Variants in TAS2R1 observed in about 807,000 individuals in gnomAD.
TAS2R1 encodes the protein taste 2 receptor member 1.
For synonymous variants in TAS2R1, 141 were observed against 134.2 expected (o/e 1.05, Z -0.35); for missense variants, 370 against 353.4 (o/e 1.05, Z -0.38).
intron 1 of TAS2R1, among the ~76,000 whole-genome samples, chr5:9,683,429 T>G (rs1356307731): frequency 6.6e-6 from 1 of 152,188 alleles, no homozygotes; most frequent in East Asian, 1.9e-4. Context: ...AAGTTTTGAT[T>G]GCTGATAGTA....
the TAS2R1 span, among the ~76,000 whole-genome samples, chr5:9,882,220 C>T: frequency 2.0e-5 from 3 of 152,046 alleles, no homozygotes; most frequent in African/African-American, 7.2e-5. Context: ...CAAAAGAAGA[C>T]ATTTATGTGG....
intron 1 of TAS2R1, among the ~76,000 whole-genome samples, chr5:9,690,704 A>T (rs1371946883): frequency 6.6e-6 from 1 of 151,902 alleles, no homozygotes; most frequent in Non-Finnish European, 1.5e-5. Flanking sequence ...GTAACTGGAC[A>T]CAGACATAAA....
At chr5:9,736,904 G>A in the TAS2R1 span, among the ~76,000 whole-genome samples, 1 of 152,268 alleles carries the variant, frequency 6.6e-6, no homozygotes, top group South Asian at 2.1e-4. Context: ...CCATGTGTAA[G>A]GTCATAGTTA....
intron 1 of TAS2R1, among the ~76,000 whole-genome samples, chr5:9,680,608 A>C (rs939112753): frequency 6.6e-6 from 1 of 152,162 alleles, no homozygotes; most frequent in Non-Finnish European, 1.5e-5. Flanking sequence ...TACTCTCATC[A>C]TGAAAAAAAT....
chr5:9,768,397 T>C, the TAS2R1 span, among the ~76,000 whole-genome samples: 3 of 152,168 alleles, frequency 2.0e-5, no homozygotes, highest in East Asian at 5.8e-4. Flanking sequence ...GTATCACCCA[T>C]TGACCTTCAT....
At chr5:9,648,130 C>T (rs1740231253) in intron 2 of TAS2R1, among the ~76,000 whole-genome samples, 1 of 152,008 alleles carries the variant, frequency 6.6e-6, no homozygotes, top group South Asian at 2.1e-4. Flanking sequence ...GTAAGTGTGG[C>T]CATGGCTACA....
intron 1 of TAS2R1, among the ~76,000 whole-genome samples, chr5:9,691,694 T>C (rs1235069048): frequency 1.3e-5 from 2 of 152,256 alleles, no homozygotes; most frequent in African/African-American, 4.8e-5. Flanking sequence ...AGGTGGGGCC[T>C]GTGTTCCAGT....
intron 1 of TAS2R1, among the ~76,000 whole-genome samples, chr5:9,703,453 G>A (rs1561383789): frequency 6.6e-6 from 1 of 152,182 alleles, no homozygotes; most frequent in Non-Finnish European, 1.5e-5. Context: ...CCTGTACTCT[G>A]TAGAGCGTCA....
the TAS2R1 span, among the ~76,000 whole-genome samples, chr5:9,808,778 A>C: frequency 6.6e-6 from 1 of 152,170 alleles, no homozygotes; most frequent in Non-Finnish European, 1.5e-5. Flanking sequence ...CCACAGGCTT[A>C]TGAGGTGGAC....
chr5:9,705,683 A>T (rs1741590793), intron 1 of TAS2R1, among the ~76,000 whole-genome samples: 1 of 152,146 alleles, frequency 6.6e-6, no homozygotes, highest in Non-Finnish European at 1.5e-5. Flanking sequence ...ATATGGTGAA[A>T]CACCATCTCT....
the TAS2R1 span, among the ~76,000 whole-genome samples, chr5:9,845,932 A>C: frequency 6.6e-6 from 1 of 152,252 alleles, no homozygotes; most frequent in Non-Finnish European, 1.5e-5. Flanking sequence ...AAAATAAGAG[A>C]GGCAATGTCA....
intron 1 of TAS2R1, among the ~76,000 whole-genome samples, chr5:9,668,889 T>A (rs1412354269): frequency 6.6e-6 from 1 of 151,936 alleles, no homozygotes; most frequent in Non-Finnish European, 1.5e-5. Flanking sequence ...AACAACATGA[T>A]GACAGGATCA....
the TAS2R1 span, among the ~76,000 whole-genome samples, chr5:9,865,651 G>T: frequency 2.6e-5 from 4 of 152,278 alleles, no homozygotes; most frequent in African/African-American, 9.6e-5. Flanking sequence ...TGCTTTTGAA[G>T]AATGTTTTGC....
At chr5:9,857,511 C>T in the TAS2R1 span, among the ~76,000 whole-genome samples, 2,434 of 152,246 alleles carry the variant, frequency 0.016, 58 homozygotes, top group African/African-American at 0.052. Flanking sequence ...GTGCAGCAAA[C>T]CACCATGGTT....
chr5:9,672,331 A>G (rs183531192), intron 1 of TAS2R1, among the ~76,000 whole-genome samples: 1 of 152,302 alleles, frequency 6.6e-6, no homozygotes, highest in African/African-American at 2.4e-5. Flanking sequence ...ACACACAATC[A>G]ACAGAGTAAA....
At chr5:9,816,599 A>T in the TAS2R1 span, among the ~76,000 whole-genome samples, 3 of 152,094 alleles carry the variant, frequency 2.0e-5, no homozygotes, top group African/African-American at 7.2e-5. Flanking sequence ...GCTTATCACA[A>T]ATAGTCAGAA....
intron 2 of TAS2R1, among the ~76,000 whole-genome samples, chr5:9,648,776 T>A (rs1188312981): frequency 6.6e-6 from 1 of 152,120 alleles, no homozygotes; most frequent in African/African-American, 2.4e-5. Flanking sequence ...AGTGACCTTT[T>A]GGATACATAT....
At chr5:9,840,849 ATTTATTTATTTTTTTTTTT>A in the TAS2R1 span, among the ~76,000 whole-genome samples, 31 of 12,902 alleles carry the variant, frequency 2.4e-3, 1 homozygote, top group African/African-American at 3.0e-3. Flanking sequence ...TTATTTATTT[ATTTATTTATTTTTTTTTTT>A]TTTTTTTTTT....
the TAS2R1 span, among the ~76,000 whole-genome samples, chr5:9,773,346 T>C: frequency 6.6e-6 from 1 of 152,158 alleles, no homozygotes; most frequent in Non-Finnish European, 1.5e-5. Context: ...TTTTTTGTTC[T>C]AGTTACACTT....
Sources: allele counts gnomAD v4.1 joint callset (sites outside exome capture counted in the v4.1 genomes callset), GRCh38; gene constraint gnomAD v4.1.1; transcripts MANE v1.5; gene names NCBI Gene and HGNC (gene_info 2026-07-23, HGNC 2026-07-21).